PDCD11: variants seen among roughly 807,000 people sequenced by gnomAD.
PDCD11 encodes the protein programmed cell death 11.
PDCD11 carries 97 observed loss-of-function variants against 198.9 expected under a neutral mutation model. That is an observed-to-expected ratio of 0.49 (90% CI 0.41 to 0.58). PDCD11 has a LOEUF of 0.58. Among genes scored for constraint, PDCD11 ranks in the 20% least tolerant of loss-of-function variants. The pLI, the probability that PDCD11 is intolerant of heterozygous loss-of-function variation, is 0.00. For missense variants in PDCD11, 2,102 were observed against 2,312.7 expected (o/e 0.91, Z 1.87); for synonymous variants, 893 against 918.0 (o/e 0.97, Z 0.49).
rs754164948 is a variant in PDCD11, at chr10:103,432,110, A to G, written c.3369-19A>G. 1.3e-6 allele frequency: 2 copies of G among 1,585,358 alleles called. No individual in the cohort carries two copies. The highest frequency in any genetic ancestry group is 2.2e-5 in the East Asian group (1 of 44,724). On this transcript the variant is annotated intron_variant, in intron 21 of 35. Coordinates refer to ENST00000369797, the MANE Select transcript of PDCD11 (RefSeq NM_014976.2). ...ATCCAGAGATGGGTTTACTGTTTAC[A>G]TTTCCTTTCTGCAAACAGTGAGCTG...
At chr10:103,417,642 T>G in intron 13 of PDCD11, 150 bp from the exon 14 acceptor site, 1 of 769,358 alleles carries the variant, frequency 1.3e-6, no homozygotes, top group South Asian at 1.9e-5. Flanking sequence ...TGTGTAGCTC[T>G]CAGTGCATTT....
intron 21 of PDCD11, among the ~76,000 whole-genome samples, chr10:103,429,150 C>T (rs1249436530): frequency 6.6e-6 from 1 of 152,106 alleles, no homozygotes; most frequent in African/African-American, 2.4e-5. Flanking sequence ...GAGCTGAGTT[C>T]AGAGGTGTTG....
In PDCD11 at chr10:103,434,317, T is replaced by A; in HGVS notation, c.3634T>A (p.Ser1212Thr). ...GAGGGCCACCGTTGTTGGCCCAGAT[T>A]CCTCCAAGACCCTCTTATGTCTGTC... ...ALRATVVGPD[S>T]SKTLLCLSLT... Residue 1212 changes from serine to threonine, a missense_variant, in exon 24 of 36, where the codon TCC becomes ACC. Ser to Thr is a moderately conservative substitution (Grantham distance 58). Transcript: ENST00000369797. 1 of 1,613,092 alleles carries A rather than the reference T, an allele frequency of 6.2e-7. No homozygotes were observed. Among genetic ancestry groups the A allele is most frequent in the Non-Finnish European group, 8.5e-7 (1 of 1,179,056 alleles).
intron 30 of PDCD11, 94 bp from the exon 31 acceptor site, chr10:103,441,732 G>C (rs1483170219): frequency 8.5e-7 from 1 of 1,178,022 alleles, no homozygotes. Flanking sequence ...CTCTGGGCTT[G>C]GTAGGAGTCC....
intron 3 of PDCD11, among the ~76,000 whole-genome samples, chr10:103,401,772 C>A (rs2030084543): frequency 6.6e-6 from 1 of 151,478 alleles, no homozygotes; most frequent in Admixed American, 6.6e-5. Context: ...GAGTCTCGCA[C>A]AGTCGCCCAG....
chr10:103,431,496 AC>A (rs1272184499), intron 21 of PDCD11, among the ~76,000 whole-genome samples: 1 of 152,050 alleles, frequency 6.6e-6, no homozygotes, highest in East Asian at 1.9e-4. Context: ...GGAGGCTGAG[AC>A]ATGAGAATCA....
Position 103,434,279 on chromosome 10 carries a change from T to A in PDCD11, c.3596T>A (p.Val1199Asp), listed in dbSNP as rs1472741369. Residue 1199 changes from valine (V) to aspartate (D), a missense_variant, in exon 24 of 36, where the codon GTT becomes GAT. Coordinates refer to ENST00000369797, the MANE Select transcript of PDCD11 (RefSeq NM_014976.2). ...AAGCATCCAGATAAGAAGTTCCGGGTTGGCCAGGCCCTGAGGGCCACCGTT... is the reference window on the plus strand; with the variant it reads ...AAGCATCCAGATAAGAAGTTCCGGGATGGCCAGGCCCTGAGGGCCACCGTT... Reference protein sequence around the residue: ...VLKHPDKKFRVGQALRATVVG... With the variant: ...VLKHPDKKFRDGQALRATVVG... 6.2e-7 allele frequency: 1 copy of A among 1,613,882 alleles called. No homozygotes were observed. Among genetic ancestry groups the A allele is most frequent in the South Asian group, 1.1e-5 (1 of 91,076 alleles).
At chr10:103,407,878 C>T (rs1292171786) in intron 7 of PDCD11, among the ~76,000 whole-genome samples, 1 of 151,974 alleles carries the variant, frequency 6.6e-6, no homozygotes, top group Non-Finnish European at 1.5e-5. Context: ...ACCACCACAC[C>T]CGGCTGGTTT....
At chr10:103,396,863 T>C (rs972113512) in intron 1 of PDCD11, 133 bp downstream of exon 1, 1 of 152,342 alleles carries the variant, frequency 6.6e-6, no homozygotes, top group Non-Finnish European at 1.5e-5. Context: ...GCCGGCTCTG[T>C]TGTAGCAGCC....
rs1331503483 is a variant in PDCD11 at position 103,411,855 on chromosome 10, TGTTA to T, written c.979-1257_979-1254del. On this transcript the variant is annotated intron_variant, in intron 8 of 35. Coordinates refer to ENST00000369797, the MANE Select transcript of PDCD11 (RefSeq NM_014976.2). ...TGTTATGATGAGATCAGGCTTTTTC[TGTTA>T]GTTTCAGAGGAGCCTTGGATGCAGT... 7.9e-5 allele frequency among the ~76,000 whole-genome samples: 12 copies of T among 152,330 alleles called. No homozygotes were observed. The East Asian group carries it at 2.3e-3, about 29-fold the overall frequency.
At chr10:103,436,430 TGAG>T (rs1313174452) in intron 25 of PDCD11, among the ~76,000 whole-genome samples, 2 of 152,190 alleles carry the variant, frequency 1.3e-5, no homozygotes, top group African/African-American at 4.8e-5. Flanking sequence ...AAACTAAACT[TGAG>T]GAGACAGATT....
At position 103,416,718 on chromosome 10, in the gene PDCD11, GGA is replaced by G; in HGVS notation, c.1752_1753del (p.Arg584SerfsTer16). The G allele has an allele frequency of 6.2e-7, 1 of 1,613,988 alleles. No individual in the cohort carries two copies. On this transcript the variant is annotated frameshift_variant, in exon 13 of 36. Transcript: ENST00000369797. LOFTEE classifies it high-confidence loss of function. Reference sequence around the variant, plus strand: ...TCAGTACTGAGTATATCCCTGACCCGGAGAGAGTTTTTTACACTGGCCAGGTA... The same window carrying G: ...TCAGTACTGAGTATATCCCTGACCCGGAGAGTTTTTTACACTGGCCAGGTA... ...ELSTEYIPDPERVFYTGQVVK... is the reference protein window; with the variant it reads ...ELSTEYIPDPXRVFYTGQVVK...
chr10:103,441,974 C>T lies in PDCD11; in HGVS notation c.4706C>T (p.Thr1569Met), dbSNP rs750722319. The change falls in exon 31 of 36, where the codon ACG becomes ATG. Residue 1569 changes from threonine to methionine, a missense_variant and splice_region_variant. By Grantham distance (81) the Thr-to-Met change is moderately conservative. Coordinates refer to ENST00000369797, the MANE Select transcript of PDCD11 (RefSeq NM_014976.2). ...SEEDEKPHQA[T>M]IKKSKKEREL... ...GAGGATGAGAAGCCACACCAAGCCA[C>T]GGTGCTGTATTTTGCAGGGCATGTC... The T allele has an allele frequency of 3.7e-6, 6 of 1,614,028 alleles. No homozygotes were observed. Among genetic ancestry groups the T allele is most frequent in the East Asian group, 4.5e-5 (2 of 44,896 alleles).
chr10:103,413,331 G>C lies in PDCD11; in HGVS notation c.1185+9G>C. ...TTCTGGCCTATGCCCGGGTAAGGAG[G>C]CCTCTTTGTTTGGTCAGGGATCTTA... is the stretch of plus-strand genomic sequence containing the variant. On this transcript the variant is annotated intron_variant, in intron 9 of 35. Coordinates refer to ENST00000369797, the MANE Select transcript of PDCD11 (RefSeq NM_014976.2). The C allele has an allele frequency of 1.2e-6, 2 of 1,611,712 alleles. No individual in the cohort carries two copies. The highest frequency in any genetic ancestry group is 1.3e-5 in the African/African-American group (1 of 74,986).
rs1750636786 is a variant in PDCD11 at position 103,405,976 on chromosome 10, C to G, written c.565-9C>G. 1 of 1,612,976 alleles carries G rather than the reference C, an allele frequency of 6.2e-7. No homozygotes were observed. The highest frequency in any genetic ancestry group is 8.5e-7 in the Non-Finnish European group (1 of 1,179,358). On this transcript the variant is annotated splice_polypyrimidine_tract_variant and intron_variant, in intron 5 of 35. Coordinates refer to ENST00000369797, the MANE Select transcript of PDCD11 (RefSeq NM_014976.2). ...ATTGGAACTTCTGGGACTACTTTCT[C>G]TTCCCCAGCTACTTACAGGTACCGT...
At position 103,440,353 on chromosome 10, in the gene PDCD11, C is replaced by A; in HGVS notation, c.4212C>A (p.Asp1404Glu). Residue 1404 changes from aspartate (D) to glutamate (E), a missense_variant, in exon 29 of 36, where the codon GAC (aspartate) becomes GAA (glutamate). Transcript: ENST00000369797. ...SFLPGDTGKP[D>E]VLSASLEGQL... ...TCCCCGGAGACACTGGGAAGCCAGA[C>A]GTGCTTTCTGCTTCCTTGGAAGGGC... is the stretch of plus-strand genomic sequence containing the variant. 1 of 1,614,146 alleles carries A rather than the reference C, an allele frequency of 6.2e-7. No individual in the cohort carries two copies. The highest frequency in any genetic ancestry group is 8.5e-7 in the Non-Finnish European group (1 of 1,180,016).
chr10:103,426,228 T>G (rs2031688855), intron 20 of PDCD11, among the ~76,000 whole-genome samples: 1 of 152,218 alleles, frequency 6.6e-6, no homozygotes, highest in South Asian at 2.1e-4. Flanking sequence ...TCTGCAGTTG[T>G]CATTCTCCAC....
chr10:103,406,652 A>G lies in PDCD11; in HGVS notation c.732A>G (p.Glu244=). The change falls in exon 7 of 36, where the codon GAA becomes GAG. Residue 244 remains glutamate (E), a synonymous_variant. Transcript: ENST00000369797. The stretch of plus-strand genomic sequence containing the variant: ...GTCAGTACCTGAACTGCATTGTTGA[A>G]AAGGTGAAAGGCAACGGAGGAGTTG... ...KVGQYLNCIV[E]KVKGNGGVVS... The G allele has an allele frequency of 1.2e-6, 2 of 1,614,178 alleles. No individual in the cohort carries two copies. The highest frequency in any genetic ancestry group is 1.7e-6 in the Non-Finnish European group (2 of 1,180,036).
At chr10:103,433,871 G>A (rs963692508) in intron 22 of PDCD11, 77 bp from the exon 23 acceptor site, 2 of 1,120,252 alleles carry the variant, frequency 1.8e-6, no homozygotes, top group African/African-American at 3.1e-5. Context: ...TTTCCACCTT[G>A]TGGTTTTAGG....
Sources: allele counts gnomAD v4.1 joint callset (sites outside exome capture counted in the v4.1 genomes callset), GRCh38; gene constraint gnomAD v4.1.1; transcripts MANE v1.5; gene names NCBI Gene and HGNC (gene_info 2026-07-23, HGNC 2026-07-21).